Variants in MTHFD2L observed in about 807,000 individuals in gnomAD.
The protein encoded by MTHFD2L is bifunctional methylenetetrahydrofolate dehydrogenase/cyclohydrolase 2, mitochondrial.
Under a neutral mutation model 34.9 loss-of-function variants are expected in MTHFD2L, and 29 were observed. That is an observed-to-expected ratio of 0.83 (90% CI 0.62 to 1.13). The LOEUF is 1.13. MTHFD2L is among the 50% of genes most tolerant of loss of function. MTHFD2L has a pLI of 0.00. For synonymous variants in MTHFD2L, 167 were observed against 155.7 expected (o/e 1.07, Z -0.54); for missense variants, 481 against 446.5 (o/e 1.08, Z -0.70).
At chr4:74,199,558 G>A (rs1170583095) in intron 3 of MTHFD2L, among the ~76,000 whole-genome samples, 4 of 151,802 alleles carry the variant, frequency 2.6e-5, no homozygotes. Flanking sequence ...CACCGGTCCA[G>A]CCACTTTTGG....
chr4:74,205,684 G>A (rs866103970), intron 5 of MTHFD2L, among the ~76,000 whole-genome samples: 1 of 152,084 alleles, frequency 6.6e-6, no homozygotes, highest in African/African-American at 2.4e-5. Flanking sequence ...ATACAACAAG[G>A]AAGCAAGGAA....
chr4:74,192,249 C>T (rs114465410), intron 3 of MTHFD2L, among the ~76,000 whole-genome samples: 1,704 of 152,008 alleles, frequency 0.011, 26 homozygotes, highest in African/African-American at 0.039. Context: ...TTTATCTGAC[C>T]GCCTCCCAAC....
chr4:74,240,802 A>G (rs1449520460), intron 6 of MTHFD2L, among the ~76,000 whole-genome samples: 2 of 152,304 alleles, frequency 1.3e-5, no homozygotes, highest in East Asian at 1.9e-4. Context: ...GCCTGCTGTC[A>G]TGTTGTTTTC....
intron 6 of MTHFD2L, among the ~76,000 whole-genome samples, chr4:74,267,493 C>T (rs1049064395): frequency 6.6e-5 from 10 of 151,888 alleles, no homozygotes; most frequent in South Asian, 2.1e-4. Flanking sequence ...CTCAATCCAC[C>T]GCCCACCCCT....
At chr4:74,132,210 T>A (rs1722567762) in intron 1 of MTHFD2L, among the ~76,000 whole-genome samples, 1 of 152,144 alleles carries the variant, frequency 6.6e-6, no homozygotes, top group Non-Finnish European at 1.5e-5. Flanking sequence ...GAACCAGAAA[T>A]ACCATTTGAC....
chr4:74,259,749 T>C (rs1360922856), intron 6 of MTHFD2L, among the ~76,000 whole-genome samples: 3 of 151,934 alleles, frequency 2.0e-5, no homozygotes, highest in African/African-American at 4.8e-5. Flanking sequence ...CAGAGAGAAG[T>C]AGGGAATGAA....
At chr4:74,281,596 C>A in intron 7 of MTHFD2L, 46 bp downstream of exon 7, 1 of 1,552,794 alleles carries the variant, frequency 6.4e-7, no homozygotes, top group Non-Finnish European at 8.7e-7. Context: ...TAAAAAAATT[C>A]CACCTTACGT....
rs117618671 is a variant in MTHFD2L at position 74,132,598 on chromosome 4, C to T, written c.-297+7081C>T. 3.4e-4 allele frequency among the ~76,000 whole-genome samples: 51 copies of T among 152,000 alleles called. No homozygotes were observed. The East Asian group carries it at 9.3e-3, about 28-fold the overall frequency. ...CACCAGGGCCTGTCAGAGGGTGGGG[C>T]GCTAAGGGAGGGACACCATTAGGAG... On this transcript the variant is annotated intron_variant, in intron 1 of 7. Coordinates refer to the MTHFD2L transcript ENST00000433372.
At chr4:74,136,979 T>C (rs1357844974) in intron 1 of MTHFD2L, among the ~76,000 whole-genome samples, 2 of 152,062 alleles carry the variant, frequency 1.3e-5, no homozygotes, top group African/African-American at 4.8e-5. Context: ...CAAAATGAAT[T>C]AAAGACTTGA....
intron 1 of MTHFD2L, among the ~76,000 whole-genome samples, chr4:74,135,345 T>C (rs1398669805): frequency 1.3e-5 from 2 of 151,944 alleles, no homozygotes; most frequent in Non-Finnish European, 2.9e-5. Flanking sequence ...TCAGAAATAC[T>C]AAGAATCATT....
At chr4:74,274,569 A>C (rs548941358) in intron 6 of MTHFD2L, among the ~76,000 whole-genome samples, 94 of 152,200 alleles carry the variant, frequency 6.2e-4, no homozygotes, top group Non-Finnish European at 1.2e-3. Flanking sequence ...TGGATCTTTA[A>C]GATTATTGAA....
At chr4:74,198,151 A>G (rs193253720) in intron 3 of MTHFD2L, among the ~76,000 whole-genome samples, 1 of 152,300 alleles carries the variant, frequency 6.6e-6, no homozygotes, top group African/African-American at 2.4e-5. Context: ...GGCATATGCA[A>G]GAGGACAGAT....
chr4:74,162,525 T>C (rs1029398420), intron 1 of MTHFD2L, among the ~76,000 whole-genome samples: 1 of 143,194 alleles, frequency 7.0e-6, no homozygotes, highest in Non-Finnish European at 1.5e-5. Flanking sequence ...TTTTTTTTTT[T>C]GCTGTTTGTG....
At chr4:74,249,341 T>G (rs1742974868) in intron 6 of MTHFD2L, among the ~76,000 whole-genome samples, 1 of 152,136 alleles carries the variant, frequency 6.6e-6, no homozygotes. Flanking sequence ...TTGGAAGATC[T>G]TCCTCCATCC....
At chr4:74,196,105 C>T (rs1057054900) in intron 3 of MTHFD2L, among the ~76,000 whole-genome samples, 1 of 151,960 alleles carries the variant, frequency 6.6e-6, no homozygotes, top group Non-Finnish European at 1.5e-5. Flanking sequence ...AAAAGGCTCA[C>T]ATTCATAAAT....
intron 1 of MTHFD2L, among the ~76,000 whole-genome samples, chr4:74,136,331 G>A (rs1000455055): frequency 7.2e-5 from 11 of 151,962 alleles, no homozygotes; most frequent in African/African-American, 2.7e-4. Context: ...TACACACCAA[G>A]ACTGATCTAG....
At chr4:74,208,692 T>C (rs1344799894) in intron 5 of MTHFD2L, among the ~76,000 whole-genome samples, 1 of 152,094 alleles carries the variant, frequency 6.6e-6, no homozygotes, top group Non-Finnish European at 1.5e-5. Context: ...ACCAACTGAA[T>C]CCCAGATTAC....
upstream of MTHFD2L, among the ~76,000 whole-genome samples, chr4:74,119,705 C>T (rs1049039603): frequency 6.6e-6 from 1 of 152,052 alleles, no homozygotes; most frequent in Admixed American, 6.5e-5. Flanking sequence ...ATGGCGTGAA[C>T]CTGAGAGGCA....
chr4:74,164,856 G>A (rs372457162), intron 1 of MTHFD2L: 29 of 468,610 alleles, frequency 6.2e-5, no homozygotes, highest in African/African-American at 6.1e-4. Context: ...GCCACATTTC[G>A]TGGCTAGCCC....
Sources: allele counts gnomAD v4.1 joint callset (sites outside exome capture counted in the v4.1 genomes callset), GRCh38; gene constraint gnomAD v4.1.1; transcripts MANE v1.5; gene names NCBI Gene and HGNC (gene_info 2026-07-23, HGNC 2026-07-21).